DR1: variants seen among roughly 807,000 people sequenced by gnomAD.
DR1 encodes the protein down-regulator of transcription 1.
DR1 carries 7 observed loss-of-function variants against 19.9 expected under a neutral mutation model. That is an observed-to-expected ratio of 0.35 (90% CI 0.20 to 0.66). DR1 has a LOEUF of 0.66. Ranked by LOEUF, DR1 falls within the 30% of genes least tolerant of loss-of-function variation. DR1 has a pLI of 0.66. For synonymous variants in DR1, 76 were observed against 72.5 expected (o/e 1.05, Z -0.24); for missense variants, 98 against 203.7 (o/e 0.48, Z 3.16).
In DR1 at chr1:93,363,843, G is replaced by GT. The variant is rs2101642016; in HGVS notation, c.*3205dup. On this transcript the variant is annotated 3_prime_UTR_variant, in exon 3 of 3. Transcript: ENST00000370272. Reference sequence around the variant, plus strand: ...GTTCATTCATTCTCATTGCTGTATAGTCTTCCGTTTGTTTATCCATTTTTC... The same window carrying GT: ...GTTCATTCATTCTCATTGCTGTATAGTTCTTCCGTTTGTTTATCCATTTTTC... The GT allele has an allele frequency of 6.6e-6, 1 of 152,290 alleles. No homozygotes were observed. The highest frequency in any genetic ancestry group is 2.1e-4 in the South Asian group (1 of 4,830). 9.4% of individuals were successfully genotyped at this position (152,290 alleles called of 1,614,324 possible). A position where few individuals can be genotyped will look rare whatever the true frequency, so the allele number is the denominator to read the frequency against.
At position 93,363,774 on chromosome 1, in the gene DR1, A is replaced by G. The variant is rs1225157200; in HGVS notation, c.*3135A>G. 1.3e-5 allele frequency: 2 copies of G among 152,220 alleles called. No homozygotes were observed. Among genetic ancestry groups the G allele is most frequent in the Non-Finnish European group, 2.9e-5 (2 of 68,022 alleles). 9.4% of individuals were successfully genotyped at this position (152,220 alleles called of 1,614,324 possible). A position where few individuals can be genotyped will look rare whatever the true frequency, so the allele number is the denominator to read the frequency against. ...GGCTATCTTTGGAGGCCGTTATTCA[A>G]CCTGCCAAAGTGAGATCCATTCTTA... On this transcript the variant is annotated 3_prime_UTR_variant, in exon 3 of 3. Transcript: ENST00000370272.
At chr1:93,357,772 TCCACTTCACTACTG>T (rs921195554) in intron 2 of DR1, among the ~76,000 whole-genome samples, 1 of 152,110 alleles carries the variant, frequency 6.6e-6, no homozygotes, top group African/African-American at 2.4e-5. Context: ...CTTTTCTTCT[TCCACTTCACTACTG>T]CCACCTACAC....
At position 93,367,470 on chromosome 1, in the gene DR1, T is replaced by G. The variant is rs916639310; in HGVS notation, c.*6831T>G. The G allele has an allele frequency of 6.6e-6, 1 of 152,164 alleles. No homozygotes were observed. Among genetic ancestry groups the G allele is most frequent in the Non-Finnish European group, 1.5e-5 (1 of 68,038 alleles). 9.4% of individuals were successfully genotyped at this position (152,164 alleles called of 1,614,324 possible). ...CAGTGTCTTGGGTAGCTGGAGCCTA[T>G]CCCAGCAGCTCAGGGAGCAAAGTGG... On this transcript the variant is annotated 3_prime_UTR_variant, in exon 3 of 3. Transcript: ENST00000370272.
chr1:93,364,842 C>CTTTCTTTTTTTTTTTTTTTTTTTTT lies in DR1; in HGVS notation c.*4206_*4207insCTTTTTTTTTTTTTTTTTTTTTTTT, dbSNP rs1667098890. On this transcript the variant is annotated 3_prime_UTR_variant, in exon 3 of 3. Coordinates refer to ENST00000370272, the MANE Select transcript of DR1 (RefSeq NM_001938.3). ...ATGTTTCCTTTTTCTTTTTTCTTTTCTTTTCTTTCTTTTTTTTTTTTTTTT... is the reference window on the plus strand; with the variant it reads ...ATGTTTCCTTTTTCTTTTTTCTTTTCTTTCTTTTTTTTTTTTTTTTTTTTTTTTTCTTTCTTTTTTTTTTTTTTTT... 1.3e-5 allele frequency: 1 copy of CTTTCTTTTTTTTTTTTTTTTTTTTT among 79,762 alleles called. No individual in the cohort carries two copies. Among genetic ancestry groups the CTTTCTTTTTTTTTTTTTTTTTTTTT allele is most frequent in the African/African-American group, 4.2e-5 (1 of 23,750 alleles). 4.9% of individuals were successfully genotyped at this position (79,762 alleles called of 1,614,324 possible). A position where few individuals can be genotyped will look rare whatever the true frequency, so the allele number is the denominator to read the frequency against.
At chr1:93,355,769 C>A (rs1436671454) in intron 2 of DR1, 1 of 152,054 alleles carries the variant, frequency 6.6e-6, no homozygotes, top group South Asian at 2.1e-4. Context: ...GGATGACCAG[C>A]GGAGAGGTAA....
intron 1 of DR1, among the ~76,000 whole-genome samples, chr1:93,351,251 A>G (rs1025597432): frequency 1.3e-5 from 2 of 152,012 alleles, no homozygotes; most frequent in African/African-American, 4.8e-5. Flanking sequence ...CTCCTTTTCA[A>G]CCATTTTGTT....
chr1:93,349,036 A>G (rs979783898), intron 1 of DR1, among the ~76,000 whole-genome samples: 9 of 152,102 alleles, frequency 5.9e-5, no homozygotes, highest in African/African-American at 2.2e-4. Flanking sequence ...ATCCAAATGG[A>G]ATAAGTAATG....
chr1:93,353,899 T>C lies in DR1; in HGVS notation c.221-9T>C. On this transcript the variant is annotated splice_polypyrimidine_tract_variant and intron_variant, in intron 1 of 2. Transcript: ENST00000370272. ...ACCCTTTCATATTTTAATATTTTCA[T>C]TTCTCTAGCACTAGAAAGTTTGGGA... 6.3e-7 allele frequency: 1 copy of C among 1,585,426 alleles called. No individual in the cohort carries two copies. The highest frequency in any genetic ancestry group is 1.2e-5 in the South Asian group (1 of 85,578).
chr1:93,356,268 G>A (rs913189824), intron 2 of DR1, among the ~76,000 whole-genome samples: 7 of 149,482 alleles, frequency 4.7e-5, no homozygotes, highest in Non-Finnish European at 7.4e-5. Flanking sequence ...ATCTCACCAT[G>A]TTGCCCAGGC....
Position 93,369,315 on chromosome 1 carries a change from C to T in DR1, c.*8676C>T, listed in dbSNP as rs995765463. The stretch of plus-strand genomic sequence containing the variant: ...AAGATCTTTTAAAAAAATTATAAGC[C>T]TGCCTGAGGATAGCAAAATTGTGTG... On this transcript the variant is annotated 3_prime_UTR_variant, in exon 3 of 3. Coordinates refer to ENST00000370272, the MANE Select transcript of DR1 (RefSeq NM_001938.3). The T allele has an allele frequency of 2.0e-5, 3 of 152,052 alleles. No homozygotes were observed. Among genetic ancestry groups the T allele is most frequent in the African/African-American group, 2.4e-5 (1 of 41,378 alleles). 9.4% of individuals were successfully genotyped at this position (152,052 alleles called of 1,614,324 possible).
chr1:93,352,367 G>T (rs999549440), intron 1 of DR1, among the ~76,000 whole-genome samples: 1 of 152,168 alleles, frequency 6.6e-6, no homozygotes, highest in Non-Finnish European at 1.5e-5. Context: ...ACCGTGCCTG[G>T]CCATGTTGGT....
In DR1 at chr1:93,346,151, TG is replaced by T; in HGVS notation, c.-493del. 4.4e-6 allele frequency: 1 copy of T among 226,642 alleles called. No individual in the cohort carries two copies. Among genetic ancestry groups the T allele is most frequent in the South Asian group, 4.9e-5 (1 of 20,380 alleles). The allele number at this position is 226,642 out of a possible 1,614,324, so 14.0% of individuals were successfully genotyped here. On this transcript the variant is annotated 5_prime_UTR_variant, in exon 1 of 3. The change abolishes the stop of an existing upstream ORF in the 5' untranslated region. Coordinates refer to ENST00000370272, the MANE Select transcript of DR1 (RefSeq NM_001938.3). The stretch of plus-strand genomic sequence containing the variant: ...GGCGGCGGCGCGGGTGTCTGAAGGA[TG>T]GTTTGGCCGAGGCGGCGGCAACGGC...
chr1:93,354,055 A>G lies in DR1; in HGVS notation c.368A>G (p.Gln123Arg). The G allele has an allele frequency of 6.2e-7, 1 of 1,610,012 alleles. No individual in the cohort carries two copies. Among genetic ancestry groups the G allele is most frequent in the Non-Finnish European group, 8.5e-7 (1 of 1,178,854 alleles). ...IPEEELLRQQ[Q>R]ELFAKARQQQ... ...GAAGAAGAGTTATTGAGACAGCAAC[A>G]AGAATTATTTGCAAAAGTAAGTAAT... is the stretch of plus-strand genomic sequence containing the variant. The change falls in exon 2 of 3, where the codon CAA (glutamine) becomes CGA (arginine). Residue 123 changes from glutamine to arginine, a missense_variant. Gln to Arg is a conservative substitution (Grantham distance 43). Transcript: ENST00000370272.
rs1378575045 is a variant in DR1, at chr1:93,361,046, G to C, written c.*407G>C. 2.4e-5 allele frequency: 4 copies of C among 164,800 alleles called. No individual in the cohort carries two copies. The Admixed American group carries it at 2.7e-4, about 11-fold the overall frequency. The allele number at this position is 164,800 out of a possible 1,614,324, so 10.2% of individuals were successfully genotyped here. On this transcript the variant is annotated 3_prime_UTR_variant, in exon 3 of 3. Transcript: ENST00000370272. ...ACTTGTGAATTTTAAATTATTAAGG[G>C]GGGGGTGCTGTGTGAATCAGTAGAC...
intron 1 of DR1, among the ~76,000 whole-genome samples, chr1:93,352,054 A>C (rs1446845569): frequency 6.6e-6 from 1 of 152,102 alleles, no homozygotes. Context: ...ACTAATAACA[A>C]TATGATATTT....
chr1:93,346,792 T>G lies in DR1; in HGVS notation c.147T>G (p.Leu49=), dbSNP rs763593468. ...ACTGCTGCACTGAATTCATTCACCT[T>G]ATATCTTCTGAAGCCAATGAGATTT... ...VVNCCTEFIH[L]ISSEANEICN... Residue 49 remains leucine (L), a synonymous_variant, in exon 1 of 3, where the codon CTT becomes CTG. Transcript: ENST00000370272. The G allele has an allele frequency of 5.0e-6, 8 of 1,614,132 alleles. No homozygotes were observed. The South Asian group carries it at 6.6e-5, about 13-fold the overall frequency.
At chr1:93,356,355 C>T (rs1413755603) in intron 2 of DR1, among the ~76,000 whole-genome samples, 1 of 151,938 alleles carries the variant, frequency 6.6e-6, no homozygotes, top group Admixed American at 6.6e-5. Context: ...GATCCTCCTG[C>T]TTCAGCCTCA....
In DR1 at chr1:93,357,399, G is replaced by A. The variant is rs555443692; in HGVS notation, c.385-3094G>A. 3.5e-4 allele frequency among the ~76,000 whole-genome samples: 53 copies of A among 152,156 alleles called. No homozygotes were observed. In the East Asian group the frequency reaches 9.5e-3, roughly 27 times the overall value. ...CACCTTCCTGTAGTCCCAGTTACTC[G>A]GGAGATGGAGGCAGGACAATCCCTT... is the stretch of plus-strand genomic sequence containing the variant. On this transcript the variant is annotated intron_variant, in intron 2 of 2. Coordinates refer to ENST00000370272, the MANE Select transcript of DR1 (RefSeq NM_001938.3).
chr1:93,346,964 G>C (rs1666853109), intron 1 of DR1, 99 bp downstream of exon 1: 1 of 1,088,152 alleles, frequency 9.2e-7, no homozygotes, highest in South Asian at 1.5e-5. Flanking sequence ...CTCTTCCCTG[G>C]TAAGTAACTT....
Sources: gnomAD v4.1 joint callset for allele counts (sites outside exome capture counted in the v4.1 genomes callset) on GRCh38, gnomAD v4.1.1 for gene constraint, MANE v1.5 for transcripts, NCBI Gene and HGNC (gene_info 2026-07-23, HGNC 2026-07-21) for gene names.